The following FAR2 variants were observed in gnomAD, a reference collection of about 807,000 sequenced individuals.
FAR2 encodes fatty acyl-CoA reductase 2.
Under a neutral mutation model 56.0 loss-of-function variants are expected in FAR2, and 19 were observed. That is an observed-to-expected ratio of 0.34 (90% CI 0.24 to 0.50). FAR2 has a LOEUF of 0.50. FAR2 is among the 20% of genes least tolerant of loss of function. FAR2 has a pLI of 0.98. For synonymous variants in FAR2, 219 were observed against 218.8 expected, an observed-to-expected ratio of 1.00 and a Z score of -0.01; for missense variants, 508 against 642.2, an observed-to-expected ratio of 0.79 and a Z score of 2.26.
intron 2 of FAR2, chr12:29,281,361 T>C (rs966675385): frequency 6.6e-6 from 1 of 151,862 alleles, no homozygotes; most frequent in Non-Finnish European, 1.5e-5. Flanking sequence ...ACACTGGGAG[T>C]GGGGAAATTC....
At chr12:29,149,904 G>T (rs1465940667) in intron 1 of FAR2, among the ~76,000 whole-genome samples, 2 of 152,134 alleles carry the variant, frequency 1.3e-5, no homozygotes, top group African/African-American at 2.4e-5. Flanking sequence ...CCGCCAGGGC[G>T]CCCAGTCCTG....
chr12:29,301,160 C>T (rs537456578), intron 4 of FAR2, among the ~76,000 whole-genome samples: 2 of 152,184 alleles, frequency 1.3e-5, no homozygotes, highest in Admixed American at 6.5e-5. Context: ...AGTACAAAAA[C>T]TTTAGCACAT....
chr12:29,152,431 G>T (rs1219632069), intron 1 of FAR2, among the ~76,000 whole-genome samples: 1 of 152,152 alleles, frequency 6.6e-6, no homozygotes, highest in East Asian at 1.9e-4. Flanking sequence ...TCTGTCCCCA[G>T]ACTCCTCCCT....
At chr12:29,156,521 C>T (rs1591821601) in intron 1 of FAR2, 1 of 152,236 alleles carries the variant, frequency 6.6e-6, no homozygotes, top group South Asian at 2.1e-4. Context: ...AAAACTACGG[C>T]ATCCAGAGGT....
chr12:29,250,087 A>G (rs1389939031), intron 1 of FAR2, among the ~76,000 whole-genome samples: 2 of 152,216 alleles, frequency 1.3e-5, no homozygotes, highest in Non-Finnish European at 2.9e-5. Flanking sequence ...CATTGATTCA[A>G]CAATAGTTAT....
At chr12:29,309,351 G>C (rs904312092) in intron 6 of FAR2, 121 bp downstream of exon 6, 7 of 718,846 alleles carry the variant, frequency 9.7e-6, no homozygotes, top group Non-Finnish European at 1.7e-5. Context: ...TAATAACTGA[G>C]GCATATTATT....
chr12:29,212,427 C>T (rs1234000979), intron 1 of FAR2, among the ~76,000 whole-genome samples: 5 of 152,166 alleles, frequency 3.3e-5, no homozygotes, highest in Non-Finnish European at 7.3e-5. Flanking sequence ...TCTAACTGCT[C>T]TTCTCTGTCC....
At chr12:29,272,086 TACCCCTAA>T (rs1948628051) in intron 2 of FAR2, among the ~76,000 whole-genome samples, 1 of 152,234 alleles carries the variant, frequency 6.6e-6, no homozygotes, top group South Asian at 2.1e-4. Flanking sequence ...CTCAGTTATC[TACCCCTAA>T]TGCACTTTGT....
chr12:29,168,714 G>A (rs992196654), intron 1 of FAR2, among the ~76,000 whole-genome samples: 4 of 152,170 alleles, frequency 2.6e-5, no homozygotes, highest in Non-Finnish European at 2.9e-5. Flanking sequence ...AGCCGTGGAC[G>A]TTCGTGATGA....
intron 1 of FAR2, among the ~76,000 whole-genome samples, chr12:29,180,396 A>G (rs765012446): frequency 2.0e-5 from 3 of 152,104 alleles, no homozygotes; most frequent in Non-Finnish European, 2.9e-5. Flanking sequence ...GCTTCTTCCA[A>G]CATGAGTTTC....
intron 1 of FAR2, among the ~76,000 whole-genome samples, chr12:29,160,557 A>G (rs943786852): frequency 5.9e-5 from 9 of 152,288 alleles, no homozygotes; most frequent in African/African-American, 1.7e-4. Flanking sequence ...AGTCTTCCCA[A>G]TGTATTCATT....
At chr12:29,285,650 G>A (rs1404502270) in intron 2 of FAR2, among the ~76,000 whole-genome samples, 1 of 152,174 alleles carries the variant, frequency 6.6e-6, no homozygotes, top group African/African-American at 2.4e-5. Flanking sequence ...GCCGGGCTTG[G>A]TGGCTCATGC....
At chr12:29,275,385 T>A (rs1197951172) in intron 2 of FAR2, among the ~76,000 whole-genome samples, 1 of 152,124 alleles carries the variant, frequency 6.6e-6, no homozygotes, top group East Asian at 1.9e-4. Context: ...TGTCATCAGT[T>A]AAGGCAGGAA....
In FAR2 at chr12:29,238,035, A is replaced by C. The variant is rs539677667; in HGVS notation, c.-38-32377A>C. On this transcript the variant is annotated intron_variant, in intron 1 of 11. Coordinates refer to ENST00000536681, the MANE Select transcript of FAR2 (RefSeq NM_001271783.2). ...TGAGCAAGATAGGCCACTGGATTTT[A>C]ATGTAACAGAATATGAAAAGTTCAC... Among the ~76,000 whole-genome samples, 5 of 152,296 alleles carry C rather than the reference A, an allele frequency of 3.3e-5. No homozygotes were observed. In the East Asian group the frequency reaches 9.7e-4, roughly 29 times the overall value.
chr12:29,329,872 TAA>T (rs1290130402), intron 10 of FAR2, among the ~76,000 whole-genome samples: 5 of 152,146 alleles, frequency 3.3e-5, no homozygotes, highest in Non-Finnish European at 5.9e-5. Context: ...GCTAAAAATT[TAA>T]AAAGAGAATG....
chr12:29,195,227 T>G (rs1361724975), intron 1 of FAR2, among the ~76,000 whole-genome samples: 2 of 152,198 alleles, frequency 1.3e-5, no homozygotes, highest in African/African-American at 2.4e-5. Flanking sequence ...GGTAATTTCT[T>G]CAGGTTAGTA....
intron 2 of FAR2, among the ~76,000 whole-genome samples, chr12:29,288,216 T>C (rs767304073): frequency 3.3e-5 from 5 of 152,178 alleles, no homozygotes; most frequent in Non-Finnish European, 7.4e-5. Context: ...TATCTTTCAG[T>C]GACCACAGAA....
intron 1 of FAR2, among the ~76,000 whole-genome samples, chr12:29,180,600 T>C (rs561286488): frequency 6.6e-6 from 1 of 152,306 alleles, no homozygotes; most frequent in East Asian, 1.9e-4. Flanking sequence ...AATTTCATTG[T>C]CTTCTGATAG....
chr12:29,299,371 C>A (rs1949123702), intron 4 of FAR2, among the ~76,000 whole-genome samples: 1 of 152,108 alleles, frequency 6.6e-6, no homozygotes, highest in African/African-American at 2.4e-5. Context: ...AACTCACCTC[C>A]CAGAGGAAGA....
Sources: allele counts gnomAD v4.1 joint callset (sites outside exome capture counted in the v4.1 genomes callset), GRCh38; gene constraint gnomAD v4.1.1; transcripts MANE v1.5; gene names NCBI Gene and HGNC (gene_info 2026-07-23, HGNC 2026-07-21).